Variants in PSKH1 observed in about 807,000 individuals in gnomAD.
PSKH1 encodes the protein serine/threonine-protein kinase H1.
Under a neutral mutation model 26.7 loss-of-function variants are expected in PSKH1, and 12 were observed. The ratio of observed to expected loss-of-function variants is 0.45; its 90% CI spans 0.29 to 0.73. The LOEUF is 0.73. Among genes scored for constraint, PSKH1 ranks in the 30% least tolerant of loss-of-function variants. The pLI is 0.11. For missense variants in PSKH1, 431 were observed against 595.2 expected (o/e 0.72, Z 2.87); for synonymous variants, 213 against 234.3 (o/e 0.91, Z 0.83).
In PSKH1 at chr16:67,928,045, C is replaced by T. The variant is rs1567403071; in HGVS notation, c.*403C>T. On this transcript the variant is annotated 3_prime_UTR_variant, in exon 3 of 3. Coordinates refer to ENST00000291041, the MANE Select transcript of PSKH1 (RefSeq NM_006742.3). The surrounding 1 kb of genome is among the most constrained non-coding windows in gnomAD (Gnocchi z 4.8). ...GCCTCAGGACCCTTTGGGACAGTTA[C>T]TTCTGGGACCCCCTTTCCTCCACAG... 1 of 184,966 alleles carries T rather than the reference C, an allele frequency of 5.4e-6. No individual in the cohort carries two copies. The highest frequency in any genetic ancestry group is 1.5e-4 in the South Asian group (1 of 6,704). 11.5% of individuals were successfully genotyped at this position (184,966 alleles called of 1,614,324 possible).
intron 2 of PSKH1, among the ~76,000 whole-genome samples, chr16:67,925,239 A>G (rs1194710803): frequency 2.0e-5 from 3 of 149,754 alleles, no homozygotes; most frequent in Non-Finnish European, 3.0e-5. Context: ...CTCTGTTGCC[A>G]GGCTGGAGTG....
At chr16:67,908,527 C>G (rs951454657) in intron 1 of PSKH1, among the ~76,000 whole-genome samples, 153 bp from the exon 2 acceptor site, 1 of 152,156 alleles carries the variant, frequency 6.6e-6, no homozygotes, top group Non-Finnish European at 1.5e-5. Flanking sequence ...CCTCAGCTTC[C>G]CAAGGTGTTG....
In PSKH1 at chr16:67,908,795, G is replaced by A. The variant is rs138557834; in HGVS notation, c.46G>A (p.Val16Ile). ...GGTCCTTCCCGAGCCACCCAAGGATGTCCAGCTGGATCTGGTCAAGAAGGT... is the reference window on the plus strand; with the variant it reads ...GGTCCTTCCCGAGCCACCCAAGGATATCCAGCTGGATCTGGTCAAGAAGGT... ...SKVLPEPPKD[V>I]QLDLVKKVEP... Residue 16 changes from valine to isoleucine, a missense_variant, in exon 2 of 3, where the codon GTC becomes ATC. Coordinates refer to ENST00000291041, the MANE Select transcript of PSKH1 (RefSeq NM_006742.3). 8.8e-5 allele frequency: 141 copies of A among 1,610,256 alleles called. 1 individual carries two copies. The Middle Eastern group carries it at 1.3e-3, about 15-fold the overall frequency.
intron 2 of PSKH1, among the ~76,000 whole-genome samples, chr16:67,917,176 C>T (rs547785448): frequency 1.3e-5 from 2 of 152,340 alleles, no homozygotes; most frequent in African/African-American, 4.8e-5. Context: ...CCAGGTGGTA[C>T]GTAATCCCCC....
At chr16:67,907,562 C>T (rs1239933116) in intron 1 of PSKH1, among the ~76,000 whole-genome samples, 11 of 152,186 alleles carry the variant, frequency 7.2e-5, no homozygotes, top group South Asian at 2.1e-4. Flanking sequence ...TGCCCGGCCC[C>T]GCCTCTGACT....
intron 1 of PSKH1, among the ~76,000 whole-genome samples, chr16:67,900,732 G>C (rs904621335): frequency 6.6e-6 from 1 of 152,122 alleles, no homozygotes; most frequent in African/African-American, 2.4e-5. Flanking sequence ...TCCAATGTGC[G>C]TGCCTTCTTT....
intron 1 of PSKH1, among the ~76,000 whole-genome samples, chr16:67,907,512 C>T (rs1324495278): frequency 1.3e-5 from 2 of 152,216 alleles, no homozygotes; most frequent in African/African-American, 4.8e-5. Context: ...CTGCCCGCCT[C>T]GGCCTTCCAA....
rs2058164130 is a variant in PSKH1 at position 67,908,880 on chromosome 16, G to T, written c.131G>T (p.Ser44Ile). ...VYKHFITEVDSVGPVKAGFPA... is the reference protein window; with the variant it reads ...VYKHFITEVDIVGPVKAGFPA... ...AAGCACTTCATCACAGAGGTGGACA[G>T]TGTTGGCCCTGTCAAAGCCGGGTTC... The change falls in exon 2 of 3, where the codon AGT becomes ATT. Residue 44 changes from serine to isoleucine, a missense_variant. Physicochemically the swap from Ser to Ile is moderately radical, Grantham distance 142 (BLOSUM62 -2). Coordinates refer to ENST00000291041, the MANE Select transcript of PSKH1 (RefSeq NM_006742.3). The T allele has an allele frequency of 6.2e-7, 1 of 1,614,220 alleles. No homozygotes were observed.
At chr16:67,907,572 T>C (rs1197502937) in intron 1 of PSKH1, among the ~76,000 whole-genome samples, 1 of 152,192 alleles carries the variant, frequency 6.6e-6, no homozygotes, top group East Asian at 1.9e-4. Context: ...CGCCTCTGAC[T>C]CTTGAATGAA....
chr16:67,918,199 A>C (rs1426251715), intron 2 of PSKH1, among the ~76,000 whole-genome samples: 1 of 152,208 alleles, frequency 6.6e-6, no homozygotes, highest in African/African-American at 2.4e-5. Context: ...CAAGAGTTCT[A>C]TTCCTAGAGG....
At chr16:67,914,626 T>C (rs577057914) in intron 2 of PSKH1, among the ~76,000 whole-genome samples, 1 of 152,158 alleles carries the variant, frequency 6.6e-6, no homozygotes, top group Admixed American at 6.5e-5. Flanking sequence ...GGCTAATTTT[T>C]GTATTTTAGT....
chr16:67,914,230 A>G (rs2058180674), intron 2 of PSKH1, among the ~76,000 whole-genome samples: 1 of 150,974 alleles, frequency 6.6e-6, no homozygotes, highest in Non-Finnish European at 1.5e-5. Flanking sequence ...GCTCACTGCA[A>G]CCTACGCCTC....
intron 2 of PSKH1, among the ~76,000 whole-genome samples, chr16:67,915,514 C>G (rs1302082987): frequency 1.3e-5 from 2 of 152,128 alleles, no homozygotes; most frequent in Non-Finnish European, 2.9e-5. Flanking sequence ...TCAGGCCCCA[C>G]AAAACCTGTT....
At chr16:67,895,167 C>T (rs994807617) in intron 1 of PSKH1, among the ~76,000 whole-genome samples, 1 of 151,990 alleles carries the variant, frequency 6.6e-6, no homozygotes, top group African/African-American at 2.4e-5. Context: ...AGGTGATCCA[C>T]CTGCCTCGGC....
chr16:67,917,923 A>G (rs2058191892), intron 2 of PSKH1, among the ~76,000 whole-genome samples: 1 of 152,120 alleles, frequency 6.6e-6, no homozygotes, highest in African/African-American at 2.4e-5. Flanking sequence ...GCTGGAGTGG[A>G]GAGGGCATGC....
At chr16:67,922,495 CTCT>C (rs2058205351) in intron 2 of PSKH1, among the ~76,000 whole-genome samples, 1 of 152,176 alleles carries the variant, frequency 6.6e-6, no homozygotes, top group East Asian at 1.9e-4. Context: ...GGGCCACCTC[CTCT>C]GTCAGCCAGC....
chr16:67,901,362 C>T (rs895421412), intron 1 of PSKH1, among the ~76,000 whole-genome samples: 1 of 152,170 alleles, frequency 6.6e-6, no homozygotes, highest in African/African-American at 2.4e-5. Context: ...GACGGAGTTT[C>T]GCTCTATCGC....
intron 1 of PSKH1, among the ~76,000 whole-genome samples, chr16:67,906,877 C>T (rs571102698): frequency 6.6e-6 from 1 of 152,182 alleles, no homozygotes; most frequent in African/African-American, 2.4e-5. Flanking sequence ...CCTGGATCCC[C>T]ATCATAAGGA....
In PSKH1 at chr16:67,909,155, G is replaced by T. The variant is rs563460830; in HGVS notation, c.406G>T (p.Gly136Trp). The T allele has an allele frequency of 1.9e-6, 3 of 1,614,170 alleles. No homozygotes were observed. The South Asian group carries it at 3.3e-5, about 18-fold the overall frequency. ...GATGATTGAGACCAAGTACCGGGAG[G>T]GGCGGGAGGTGTGTGAGTCGGAGCT... ...IKMIETKYREGREVCESELRV... is the reference protein window; with the variant it reads ...IKMIETKYREWREVCESELRV... The change falls in exon 2 of 3, where the codon GGG becomes TGG. Residue 136 changes from glycine (G) to tryptophan (W), a missense_variant. Physicochemically the swap from Gly to Trp is radical, Grantham distance 184. Transcript: ENST00000291041. This position sits in a 1 kb window ranked among gnomAD's most constrained non-coding sequence, Gnocchi z 7.8.
Sources: allele counts gnomAD v4.1 joint callset (sites outside exome capture counted in the v4.1 genomes callset), GRCh38; gene constraint gnomAD v4.1.1; non-coding constraint Gnocchi (gnomAD v3.1); transcripts MANE v1.5; gene names NCBI Gene and HGNC (gene_info 2026-07-23, HGNC 2026-07-21).